PRKN: variants seen among roughly 807,000 people sequenced by gnomAD.
PRKN encodes the protein E3 ubiquitin-protein ligase parkin.
Under a neutral mutation model 59.5 loss-of-function variants are expected in PRKN, and 56 were observed. The observed-to-expected ratio is 0.94, with a 90% CI of 0.76 to 1.18. The LOEUF (loss-of-function observed/expected upper bound fraction) is 1.18. PRKN is among the 50% of genes most tolerant of loss of function. PRKN has a pLI of 0.00. For missense variants in PRKN, 657 were observed against 596.4 expected, an observed-to-expected ratio of 1.10 and a Z score of -1.06; for synonymous variants, 250 against 222.1, an observed-to-expected ratio of 1.13 and a Z score of -1.12.
chr6:161,705,427 A>C (rs1786445735), intron 7 of PRKN, among the ~76,000 whole-genome samples: 2 of 152,204 alleles, frequency 1.3e-5, no homozygotes, highest in African/African-American at 4.8e-5. Flanking sequence ...TTGGTACTTG[A>C]AGTATGGTTT....
At chr6:162,643,397 C>CAAAAAAAAAAAA (rs59995115) in intron 1 of PRKN, among the ~76,000 whole-genome samples, 22 of 82,204 alleles carry the variant, frequency 2.7e-4, no homozygotes, top group Non-Finnish European at 3.2e-4. Flanking sequence ...GACTCTGCCT[C>CAAAAAAAAAAAA]AAAAAAAAAA....
chr6:162,475,752 T>G (rs976564278), intron 1 of PRKN, among the ~76,000 whole-genome samples: 1 of 152,218 alleles, frequency 6.6e-6, no homozygotes, highest in Non-Finnish European at 1.5e-5. Context: ...GCACTATTTA[T>G]CTATTTATGT....
chr6:161,392,051 A>T (rs781444505), intron 9 of PRKN, among the ~76,000 whole-genome samples: 4 of 151,994 alleles, frequency 2.6e-5, no homozygotes, highest in Non-Finnish European at 5.9e-5. Context: ...TGATATAAGC[A>T]TCCTGCTGGT....
intron 1 of PRKN, among the ~76,000 whole-genome samples, chr6:162,625,370 T>A (rs1035265527): frequency 1.3e-5 from 2 of 152,198 alleles, no homozygotes; most frequent in Non-Finnish European, 2.9e-5. Context: ...ACAGTTTTCA[T>A]TTCCAAACAT....
rs964028405 is a variant in PRKN, at chr6:161,377,147, C to G, written c.1167+9647G>C. Among the ~76,000 whole-genome samples, 17 of 152,196 alleles carry G rather than the reference C, an allele frequency of 1.1e-4. No individual in the cohort carries two copies. Among genetic ancestry groups the G allele is most frequent in the African/African-American group, 4.1e-4 (17 of 41,442 alleles). On this transcript the variant is annotated intron_variant, in intron 10 of 11. Transcript: ENST00000366898. This position sits in a 1 kb window ranked among gnomAD's most constrained non-coding sequence, Gnocchi z 4.2. ...CTACCTGCGGGCCAATAAGAGCATC[C>G]CAGCAAAGATTTTGGGGGTTCAGCA...
intron 7 of PRKN, among the ~76,000 whole-genome samples, chr6:161,661,439 T>G (rs1198979895): frequency 6.6e-6 from 1 of 152,086 alleles, no homozygotes. Flanking sequence ...CCATCCCAGT[T>G]CCTTTGGATC....
chr6:161,768,143 T>C (rs1358549340), intron 7 of PRKN, among the ~76,000 whole-genome samples: 4 of 152,108 alleles, frequency 2.6e-5, no homozygotes, highest in Non-Finnish European at 4.4e-5. Flanking sequence ...ATATTTGAAA[T>C]GACTAAACAC....
chr6:162,569,016 C>T, intron 1 of PRKN: 1 of 693,596 alleles, frequency 1.4e-6, no homozygotes. Context: ...CTTGGAGCTG[C>T]AGTCCCAGAT....
chr6:161,683,745 T>C (rs562077558), intron 7 of PRKN, among the ~76,000 whole-genome samples: 4 of 152,274 alleles, frequency 2.6e-5, no homozygotes, highest in African/African-American at 7.2e-5. Context: ...CATGGCCATA[T>C]TGATAGCTGT....
intron 6 of PRKN, among the ~76,000 whole-genome samples, chr6:161,902,719 C>T (rs1036277554): frequency 1.4e-4 from 22 of 151,876 alleles, no homozygotes; most frequent in African/African-American, 4.8e-4. Context: ...TGCCACCACG[C>T]CTAATTTTTG....
intron 4 of PRKN, among the ~76,000 whole-genome samples, chr6:162,126,171 A>G (rs960318419): frequency 6.6e-6 from 1 of 152,198 alleles, no homozygotes; most frequent in South Asian, 2.1e-4. Context: ...TGGCTGTGCT[A>G]TATGCATGCT....
chr6:162,703,847 T>TAG (rs1391327344), intron 1 of PRKN, among the ~76,000 whole-genome samples: 6 of 152,204 alleles, frequency 3.9e-5, no homozygotes, highest in African/African-American at 1.4e-4. Context: ...GTGAAGGTGT[T>TAG]AGATTGTGTT....
At chr6:161,420,074 T>C (rs1034784509) in intron 9 of PRKN, among the ~76,000 whole-genome samples, 1 of 151,692 alleles carries the variant, frequency 6.6e-6, no homozygotes, top group Non-Finnish European at 1.5e-5. Flanking sequence ...CCGTCTCTAC[T>C]AAAAATACAA....
Position 161,434,810 on chromosome 6 carries a change from A to T in PRKN, c.1084-47933T>A, listed in dbSNP as rs73782900. The stretch of plus-strand genomic sequence containing the variant: ...TAAAATTGGGGGGCATGCTGAAGGA[A>T]ATTCAGTATCATTTCTTTCTGTAAT... On this transcript the variant is annotated intron_variant, in intron 9 of 11. Coordinates refer to ENST00000366898, the MANE Select transcript of PRKN (RefSeq NM_004562.3). 2.7e-3 allele frequency among the ~76,000 whole-genome samples: 417 copies of T among 152,304 alleles called. 1 individual carries two copies. The highest frequency in any genetic ancestry group is 9.7e-3 in the African/African-American group (402 of 41,546).
intron 10 of PRKN, among the ~76,000 whole-genome samples, chr6:161,375,162 G>C (rs1037816780): frequency 4.6e-5 from 7 of 152,158 alleles, no homozygotes; most frequent in Middle Eastern, 3.2e-3. Context: ...CAGAACTCCT[G>C]GGGGTGGAGG....
rs530483632 is a variant in PRKN at position 161,807,857 on chromosome 6, G to A, written c.735-21949C>T. On this transcript the variant is annotated intron_variant, in intron 6 of 11. Coordinates refer to ENST00000366898, the MANE Select transcript of PRKN (RefSeq NM_004562.3). The stretch of plus-strand genomic sequence containing the variant: ...CAAGGACTCCATTTCCAAATAAACT[G>A]CCACTCACAGGTACCAGAGATTAGG... Among the ~76,000 whole-genome samples, 209 of 152,282 alleles carry A rather than the reference G, an allele frequency of 1.4e-3. 2 individuals are homozygous for A. The highest frequency in any genetic ancestry group is 2.4e-3 in the Non-Finnish European group (163 of 68,032).
At chr6:161,586,526 C>T (rs547690821) in intron 7 of PRKN, among the ~76,000 whole-genome samples, 26 of 152,198 alleles carry the variant, frequency 1.7e-4, no homozygotes, top group African/African-American at 6.0e-4. Context: ...TTTTGTGAAA[C>T]GAATCAATCA....
chr6:162,628,392 T>G (rs1782981122), intron 1 of PRKN, among the ~76,000 whole-genome samples: 1 of 152,158 alleles, frequency 6.6e-6, no homozygotes, highest in Admixed American at 6.5e-5. Context: ...TTTTTGAGCA[T>G]TCAATGTGTA....
At chr6:162,087,217 C>G (rs560315257) in intron 4 of PRKN, among the ~76,000 whole-genome samples, 32 of 152,304 alleles carry the variant, frequency 2.1e-4, no homozygotes, top group African/African-American at 7.5e-4. Context: ...TGGGTAGACT[C>G]TCTCATTCCA....
Sources: allele counts gnomAD v4.1 joint callset (sites outside exome capture counted in the v4.1 genomes callset), GRCh38; gene constraint gnomAD v4.1.1; non-coding constraint Gnocchi (gnomAD v3.1); transcripts MANE v1.5; gene names NCBI Gene and HGNC (gene_info 2026-07-23, HGNC 2026-07-21).